Variants in PXDNL observed in about 807,000 individuals in gnomAD.
PXDNL encodes the protein probable oxidoreductase PXDNL.
PXDNL carries 145 observed loss-of-function variants against 150.8 expected under a neutral mutation model. The ratio of observed to expected loss-of-function variants is 0.96; its 90% CI spans 0.84 to 1.10. The LOEUF (loss-of-function observed/expected upper bound fraction) is 1.10. Among genes scored for constraint, PXDNL ranks in the 50% least tolerant of loss-of-function variants. The pLI is 0.00. For synonymous variants in PXDNL, 757 were observed against 725.7 expected (o/e 1.04, Z -0.69); for missense variants, 2,087 against 1,873.9 (o/e 1.11, Z -2.10).
intron 16 of PXDNL, among the ~76,000 whole-genome samples, chr8:51,410,381 T>C (rs1177345425): frequency 6.6e-6 from 1 of 152,230 alleles, no homozygotes; most frequent in African/African-American, 2.4e-5. Flanking sequence ...ACTTTATCCA[T>C]GTTAGCCAGT....
At chr8:51,680,280 G>T (rs1815714162) in intron 1 of PXDNL, among the ~76,000 whole-genome samples, 1 of 152,132 alleles carries the variant, frequency 6.6e-6, no homozygotes, top group Non-Finnish European at 1.5e-5. Flanking sequence ...AGGCTCTTGA[G>T]GTGTGAAATA....
intron 5 of PXDNL, among the ~76,000 whole-genome samples, chr8:51,493,981 G>A (rs1237496347): frequency 1.3e-5 from 2 of 152,148 alleles, no homozygotes; most frequent in African/African-American, 4.8e-5. Context: ...ATAATTGTCA[G>A]ATTCACCAAA....
chr8:51,758,549 G>T (rs1200055719), intron 1 of PXDNL, among the ~76,000 whole-genome samples: 1 of 152,188 alleles, frequency 6.6e-6, no homozygotes, highest in African/African-American at 2.4e-5. Flanking sequence ...TGTCAAGGGC[G>T]AGACGTACTG....
intron 12 of PXDNL, among the ~76,000 whole-genome samples, chr8:51,442,509 AT>A (rs1231558955): frequency 1.3e-5 from 2 of 151,980 alleles, no homozygotes; most frequent in Admixed American, 6.6e-5. Flanking sequence ...CAGTAGACCT[AT>A]TTTATCATGT....
intron 5 of PXDNL, among the ~76,000 whole-genome samples, chr8:51,497,715 T>C (rs1811085600): frequency 6.6e-6 from 1 of 152,082 alleles, no homozygotes; most frequent in African/African-American, 2.4e-5. Flanking sequence ...GAAATGCAAA[T>C]CAAAACCACA....
intron 3 of PXDNL, among the ~76,000 whole-genome samples, chr8:51,580,338 A>G (rs1178396038): frequency 2.6e-5 from 4 of 152,238 alleles, no homozygotes; most frequent in East Asian, 3.9e-4. Context: ...TCTGCGTATT[A>G]TTTCTTACAG....
intron 12 of PXDNL, among the ~76,000 whole-genome samples, chr8:51,443,353 TG>T (rs780414729): frequency 3.9e-5 from 6 of 152,304 alleles, no homozygotes; most frequent in Admixed American, 6.5e-5. Flanking sequence ...TTTTTCATTA[TG>T]TTTTCATAAT....
chr8:51,373,453 T>G (rs1353458635), intron 18 of PXDNL, among the ~76,000 whole-genome samples: 1 of 152,260 alleles, frequency 6.6e-6, no homozygotes, highest in Non-Finnish European at 1.5e-5. Context: ...TGAAGGTTTT[T>G]CAATTATTTT....
At chr8:51,677,833 T>G (rs141087109) in intron 1 of PXDNL, among the ~76,000 whole-genome samples, 2,267 of 152,332 alleles carry the variant, frequency 0.015, 21 homozygotes, top group Admixed American at 0.024. Context: ...AAAGTAAATA[T>G]AGAACCTTCA....
chr8:51,423,834 G>T (rs1809020098), intron 13 of PXDNL, 103 bp from the exon 14 acceptor site: 2 of 1,062,426 alleles, frequency 1.9e-6, no homozygotes, highest in Non-Finnish European at 2.7e-6. Flanking sequence ...GATATCTATT[G>T]CACGTTTGCT....
At chr8:51,646,134 A>C (rs1377572358) in intron 2 of PXDNL, among the ~76,000 whole-genome samples, 1 of 152,218 alleles carries the variant, frequency 6.6e-6, no homozygotes, top group Non-Finnish European at 1.5e-5. Context: ...CCCCTCAAGA[A>C]GGAATTAATG....
At chr8:51,755,012 C>T (rs572808539) in intron 1 of PXDNL, among the ~76,000 whole-genome samples, 69 of 152,274 alleles carry the variant, frequency 4.5e-4, no homozygotes, top group Non-Finnish European at 8.1e-4. Context: ...GCACCCTGCA[C>T]TGCAAACAGT....
chr8:51,508,599 C>T (rs748852645), intron 4 of PXDNL, among the ~76,000 whole-genome samples: 5 of 152,194 alleles, frequency 3.3e-5, no homozygotes, highest in Non-Finnish European at 7.3e-5. Flanking sequence ...GACTGGAGTG[C>T]CTGGGGCTGA....
chr8:51,438,231 C>A (rs1396744321), intron 12 of PXDNL, among the ~76,000 whole-genome samples: 1 of 152,058 alleles, frequency 6.6e-6, no homozygotes, highest in Non-Finnish European at 1.5e-5. Context: ...GTGAAAATGA[C>A]CATACTGACA....
intron 1 of PXDNL, among the ~76,000 whole-genome samples, chr8:51,680,050 T>C (rs980096125): frequency 6.6e-6 from 1 of 152,270 alleles, no homozygotes; most frequent in African/African-American, 2.4e-5. Context: ...ATTTGATTTA[T>C]GCTTGAAAAT....
At chr8:51,740,362 G>C (rs1585713831) in intron 1 of PXDNL, among the ~76,000 whole-genome samples, 1 of 152,136 alleles carries the variant, frequency 6.6e-6, no homozygotes, top group South Asian at 2.1e-4. Flanking sequence ...TAATATTGCT[G>C]GGTCAAATGG....
intron 4 of PXDNL, among the ~76,000 whole-genome samples, chr8:51,524,707 C>T (rs1232801823): frequency 3.3e-5 from 5 of 152,040 alleles, no homozygotes; most frequent in Admixed American, 2.6e-4. Flanking sequence ...ATCTTTTGAA[C>T]AGTTTGAATG....
intron 20 of PXDNL, 27 bp downstream of exon 20, chr8:51,345,805 TA>T (rs1806133762): frequency 7.0e-7 from 1 of 1,420,834 alleles, no homozygotes; most frequent in Admixed American, 1.7e-5. Context: ...GTAAGTTGCC[TA>T]AAGAAATGAG....
chr8:51,753,326 G>A (rs1485333316), intron 1 of PXDNL, among the ~76,000 whole-genome samples: 3 of 152,156 alleles, frequency 2.0e-5, no homozygotes, highest in Non-Finnish European at 4.4e-5. Context: ...TTCCCAGGTA[G>A]GAGATGAATG....
Sources: gnomAD v4.1 joint callset for allele counts (sites outside exome capture counted in the v4.1 genomes callset) on GRCh38, gnomAD v4.1.1 for gene constraint, MANE v1.5 for transcripts, NCBI Gene and HGNC (gene_info 2026-07-23, HGNC 2026-07-21) for gene names.